The following RIC3 variants were observed in gnomAD, a reference collection of about 807,000 sequenced individuals.
The protein encoded by RIC3 is protein RIC-3.
RIC3 carries 28 observed loss-of-function variants against 27.3 expected under a neutral mutation model. The ratio of observed to expected loss-of-function variants is 1.02; its 90% CI spans 0.76 to 1.41. The LOEUF (loss-of-function observed/expected upper bound fraction) is 1.41, where lower values mean the gene tolerates loss of function less well. RIC3 is among the 40% of genes most tolerant of loss of function. RIC3 has a pLI of 0.00. For missense variants in RIC3, 501 were observed against 444.7 expected (o/e 1.13, Z -1.14); for synonymous variants, 184 against 160.4 (o/e 1.15, Z -1.11).
Position 8,110,633 on chromosome 11 carries a change from A to G in RIC3, c.*65T>C. On this transcript the variant is annotated 3_prime_UTR_variant, in exon 6 of 6. Coordinates refer to ENST00000309737, the MANE Select transcript of RIC3 (RefSeq NM_001206671.4). ...GAAAGTGCAGGGCACAGGGCCAAGA[A>G]GGAAATCTGAGGAGAGAGAGGTCAC... The G allele has an allele frequency of 1.4e-6, 2 of 1,433,036 alleles. No homozygotes were observed. The highest frequency in any genetic ancestry group is 9.8e-7 in the Non-Finnish European group (1 of 1,017,852). 88.8% of individuals were successfully genotyped at this position (1,433,036 alleles called of 1,614,324 possible).
At chr11:8,096,797 G>C in the RIC3 span, 1 of 1,614,178 alleles carries the variant, frequency 6.2e-7, no homozygotes, top group Non-Finnish European at 8.5e-7. Flanking sequence ...CTAGCAGGAA[G>C]TCCGTCAGGG....
chr11:8,100,754 G>C, the RIC3 span: 11 of 1,593,476 alleles, frequency 6.9e-6, no homozygotes, highest in Non-Finnish European at 9.4e-6. Flanking sequence ...CCCATTCCCG[G>C]GATAGATCCC....
chr11:8,142,140 T>A (rs1590255125), intron 1 of RIC3, among the ~76,000 whole-genome samples: 1 of 143,860 alleles, frequency 7.0e-6, no homozygotes, highest in African/African-American at 2.7e-5. Flanking sequence ...AGCAAACACA[T>A]TCAAAAGCTA....
chr11:8,135,595 T>C (rs1251068819), intron 4 of RIC3: 1 of 152,138 alleles, frequency 6.6e-6, no homozygotes, highest in Non-Finnish European at 1.5e-5. Context: ...TTTCACGATA[T>C]TGATTCTTCC....
chr11:8,147,241 C>A (rs1479396643), intron 1 of RIC3, among the ~76,000 whole-genome samples: 1 of 152,200 alleles, frequency 6.6e-6, no homozygotes, highest in Non-Finnish European at 1.5e-5. Context: ...TCTCATGTCT[C>A]CCTAAAATGT....
Position 8,168,948 on chromosome 11 carries a change from C to G in RIC3, c.42G>C (p.Gly14=), listed in dbSNP as rs747144959. ...GCAGCAGCGACAGAGCCAGGACAAG[C>G]CCAGAAGCCAGAGCGACTCTCTGCA... ...STVQRVALAS[G]LVLALSLLLP... The change falls in exon 1 of 6, where the codon GGG becomes GGC. Residue 14 remains glycine, a synonymous_variant. Transcript: ENST00000309737. The G allele has an allele frequency of 2.5e-6, 4 of 1,610,140 alleles. No individual in the cohort carries two copies. The highest frequency in any genetic ancestry group is 1.1e-5 in the South Asian group (1 of 90,756).
intron 1 of RIC3, among the ~76,000 whole-genome samples, chr11:8,168,469 G>A (rs907977795): frequency 2.0e-5 from 3 of 152,162 alleles, no homozygotes; most frequent in Non-Finnish European, 2.9e-5. Context: ...ACCAAGCGGC[G>A]CGTCAGAAAG....
intron 1 of RIC3, among the ~76,000 whole-genome samples, chr11:8,143,611 AT>A (rs1192134352): frequency 2.6e-5 from 4 of 152,118 alleles, no homozygotes; most frequent in African/African-American, 9.7e-5. Context: ...GCCCAAGGTA[AT>A]TTACAGATTC....
At chr11:8,142,497 T>C (rs1295703082) in intron 1 of RIC3, among the ~76,000 whole-genome samples, 2 of 149,806 alleles carry the variant, frequency 1.3e-5, no homozygotes, top group African/African-American at 2.5e-5. Flanking sequence ...AATCTCTGAA[T>C]AGACCAGTAA....
chr11:8,119,836 A>G (rs1156721306), intron 5 of RIC3, among the ~76,000 whole-genome samples: 1 of 152,242 alleles, frequency 6.6e-6, no homozygotes, highest in Non-Finnish European at 1.5e-5. Context: ...AAAAAACTCA[A>G]ATTTATAAGA....
intron 4 of RIC3, 108 bp from the exon 5 acceptor site, chr11:8,126,915 G>A (rs1313817767): frequency 7.8e-7 from 1 of 1,274,262 alleles, no homozygotes; most frequent in Non-Finnish European, 1.1e-6. Flanking sequence ...TGCAATTGCA[G>A]CAGATAATTA....
intron 1 of RIC3, among the ~76,000 whole-genome samples, chr11:8,157,843 T>G (rs188334837): frequency 2.0e-5 from 3 of 152,342 alleles, no homozygotes; most frequent in Non-Finnish European, 2.9e-5. Context: ...CCCACTTACC[T>G]GTACGTTTCT....
chr11:8,155,862 T>C (rs1398004270), intron 1 of RIC3, among the ~76,000 whole-genome samples: 1 of 152,198 alleles, frequency 6.6e-6, no homozygotes, highest in African/African-American at 2.4e-5. Flanking sequence ...TTGAGGAAGC[T>C]GTAGAAGCCA....
At position 8,107,901 on chromosome 11, in the gene RIC3, C is replaced by T. The variant is rs1237492899; in HGVS notation, c.*2797G>A. 4 of 152,108 alleles carry T rather than the reference C, an allele frequency of 2.6e-5. No individual in the cohort carries two copies. The highest frequency in any genetic ancestry group is 9.7e-5 in the African/African-American group (4 of 41,398). 9.4% of individuals were successfully genotyped at this position (152,108 alleles called of 1,614,324 possible). On this transcript the variant is annotated 3_prime_UTR_variant, in exon 6 of 6. Coordinates refer to ENST00000309737, the MANE Select transcript of RIC3 (RefSeq NM_001206671.4). ...GCACCCTCGTGAGAAATGAAGACCG[C>T]AAGAAAAGAGACAGCAGCCCTGGCA...
At chr11:8,113,226 C>T (rs1461725417) in intron 5 of RIC3, among the ~76,000 whole-genome samples, 1 of 152,220 alleles carries the variant, frequency 6.6e-6, no homozygotes, top group African/African-American at 2.4e-5. Flanking sequence ...AAAAGAAGTC[C>T]ATTTGCTGGC....
At chr11:8,166,774 T>C (rs548542784) in intron 1 of RIC3, among the ~76,000 whole-genome samples, 1 of 152,184 alleles carries the variant, frequency 6.6e-6, no homozygotes. Context: ...CCCAGTTACT[T>C]GGGAGGCTGA....
At chr11:8,103,519 GC>G (rs2133935457), downstream of RIC3, 1 of 152,702 alleles carries the variant, frequency 6.5e-6, no homozygotes, top group South Asian at 2.1e-4. Context: ...AATGCTTAAA[GC>G]AAGGCATACC....
the RIC3 span, among the ~76,000 whole-genome samples, chr11:8,100,055 A>G: frequency 6.6e-6 from 1 of 152,216 alleles, no homozygotes; most frequent in Non-Finnish European, 1.5e-5. Flanking sequence ...TGTTGAGAAC[A>G]GATGGTGGGA....
intron 5 of RIC3, among the ~76,000 whole-genome samples, chr11:8,116,376 T>C (rs1157831134): frequency 6.6e-6 from 1 of 152,168 alleles, no homozygotes; most frequent in Non-Finnish European, 1.5e-5. Flanking sequence ...GTCTGGACAA[T>C]GATATTTTTG....
Sources: gnomAD v4.1 joint callset for allele counts (sites outside exome capture counted in the v4.1 genomes callset) on GRCh38, gnomAD v4.1.1 for gene constraint, MANE v1.5 for transcripts, NCBI Gene and HGNC (gene_info 2026-07-23, HGNC 2026-07-21) for gene names.